HECW2: variants seen among roughly 807,000 people sequenced by gnomAD.
The protein encoded by HECW2 is HECT, C2 and WW domain containing E3 ubiquitin protein ligase 2.
A neutral mutation model predicts 175.2 loss-of-function variants in HECW2; 61 were observed. The ratio of observed to expected loss-of-function variants is 0.35; its 90% CI spans 0.28 to 0.43. The LOEUF (loss-of-function observed/expected upper bound fraction) is 0.43, where lower values mean the gene tolerates loss of function less well. Ranked by LOEUF, HECW2 falls within the 20% of genes least tolerant of loss-of-function variation. The pLI is 1.00. For synonymous variants in HECW2, 671 were observed against 731.0 expected (o/e 0.92, Z 1.32); for missense variants, 1,524 against 2,000.5 (o/e 0.76, Z 4.54).
Position 196,317,329 on chromosome 2 carries a change from AG to A in HECW2, c.2378del (p.Pro793LeufsTer37). 6.2e-7 allele frequency: 1 copy of A among 1,613,666 alleles called. No homozygotes were observed. The stretch of plus-strand genomic sequence containing the variant: ...ACCGGCTAACATCCTGGCGCACTGA[AG>A]GTAGTGATCGCAGTGGCTGGTGGCC... ...ANGHQPLRSL[P>X]SVRQDVSRYQ... On this transcript the variant is annotated frameshift_variant, in exon 10 of 29. Coordinates refer to ENST00000644978, the MANE Select transcript of HECW2 (RefSeq NM_001348768.2). LOFTEE classifies it high-confidence loss of function.
intron 1 of HECW2, among the ~76,000 whole-genome samples, chr2:196,517,132 ACCG>A (rs1391201570): frequency 6.6e-6 from 1 of 152,198 alleles, no homozygotes; most frequent in East Asian, 1.9e-4. Context: ...TGGGCTTCCC[ACCG>A]CTCATTCATA....
intron 3 of HECW2, among the ~76,000 whole-genome samples, chr2:196,335,365 G>C (rs1692513408): frequency 6.6e-6 from 1 of 152,230 alleles, no homozygotes; most frequent in South Asian, 2.1e-4. Flanking sequence ...CAAAGCGTCT[G>C]AGTCACTGAA....
At chr2:196,316,501 T>C (rs1202050161) in intron 10 of HECW2, 2 of 152,210 alleles carry the variant, frequency 1.3e-5, no homozygotes, top group Non-Finnish European at 2.9e-5. Flanking sequence ...CCAGTGTTTT[T>C]TTTAAAGCAA....
chr2:196,331,387 T>C (rs10175825), intron 4 of HECW2: 11,555 of 583,164 alleles, frequency 0.02, 610 homozygotes, highest in African/African-American at 0.15. Context: ...CGCTGGACTA[T>C]GACTGAGACA....
At chr2:196,591,318 C>T (rs892610171) in intron 1 of HECW2, among the ~76,000 whole-genome samples, 1 of 152,148 alleles carries the variant, frequency 6.6e-6, no homozygotes, top group African/African-American at 2.4e-5. Context: ...TGGATTCAAA[C>T]TAATGAAGAC....
chr2:196,443,556 C>T (rs1246401437), intron 1 of HECW2, among the ~76,000 whole-genome samples: 1 of 152,072 alleles, frequency 6.6e-6, no homozygotes, highest in East Asian at 1.9e-4. Flanking sequence ...AAATGTCATG[C>T]CAGATTAGGA....
intron 28 of HECW2, among the ~76,000 whole-genome samples, chr2:196,207,437 T>G (rs1687109710): frequency 6.6e-6 from 1 of 152,238 alleles, no homozygotes; most frequent in African/African-American, 2.4e-5. Flanking sequence ...AATATCCTCA[T>G]GAATACCTTC....
intron 12 of HECW2, among the ~76,000 whole-genome samples, 197 bp from the exon 13 acceptor site, chr2:196,306,809 T>C (rs924697109): frequency 6.7e-6 from 1 of 149,668 alleles, no homozygotes; most frequent in Admixed American, 6.6e-5. Flanking sequence ...TAAAATTCAG[T>C]TAAGTAATAT....
At chr2:196,586,125 T>C (rs1022028988) in intron 1 of HECW2, among the ~76,000 whole-genome samples, 2 of 152,206 alleles carry the variant, frequency 1.3e-5, no homozygotes, top group African/African-American at 4.8e-5. Flanking sequence ...CACTGAGAGA[T>C]ACTATGCTTA....
chr2:196,211,191 A>C (rs1687270971), intron 28 of HECW2, among the ~76,000 whole-genome samples: 1 of 152,094 alleles, frequency 6.6e-6, no homozygotes, highest in Non-Finnish European at 1.5e-5. Context: ...CCATCACCCA[A>C]CTTGGCAAGA....
At chr2:196,273,806 A>G (rs1689837004) in intron 16 of HECW2, among the ~76,000 whole-genome samples, 1 of 152,232 alleles carries the variant, frequency 6.6e-6, no homozygotes, top group African/African-American at 2.4e-5. Context: ...GGGTGGTATT[A>G]AAAAACAATC....
chr2:196,215,839 T>A lies in HECW2; in HGVS notation c.4607+26A>T, dbSNP rs771541458. ...ATGTCTCCACCAAATGTTGTGACAG[T>A]AAAGAAATGTTATTTTATATTTTAC... On this transcript the variant is annotated intron_variant, in intron 28 of 28. Coordinates refer to ENST00000644978, the MANE Select transcript of HECW2 (RefSeq NM_001348768.2). The A allele has an allele frequency of 3.4e-6, 5 of 1,469,116 alleles. No individual in the cohort carries two copies. In the South Asian group the frequency reaches 5.7e-5, roughly 17 times the overall value. 91.0% of individuals were successfully genotyped at this position (1,469,116 alleles called of 1,614,324 possible).
intron 3 of HECW2, among the ~76,000 whole-genome samples, chr2:196,335,198 C>T (rs899395199): frequency 6.6e-6 from 1 of 152,224 alleles, no homozygotes; most frequent in Non-Finnish European, 1.5e-5. Flanking sequence ...CAGCTTGTGG[C>T]AATCCACACA....
At chr2:196,336,353 C>T (rs575962958) in intron 3 of HECW2, among the ~76,000 whole-genome samples, 8 of 152,240 alleles carry the variant, frequency 5.3e-5, no homozygotes, top group East Asian at 1.9e-4. Context: ...GTAGTGTGCA[C>T]GAGGACGGTC....
chr2:196,268,503 TG>T (rs1396382480), intron 17 of HECW2, among the ~76,000 whole-genome samples: 1 of 152,206 alleles, frequency 6.6e-6, no homozygotes, highest in Non-Finnish European at 1.5e-5. Flanking sequence ...GCTACCAACT[TG>T]GGCCTGCAGC....
At chr2:196,521,639 C>A (rs28541508) in intron 1 of HECW2, among the ~76,000 whole-genome samples, 38 of 127,834 alleles carry the variant, frequency 3.0e-4, no homozygotes, top group African/African-American at 8.8e-4. Flanking sequence ...CCCCTCCCCC[C>A]ACCCCACCAC....
intron 1 of HECW2, among the ~76,000 whole-genome samples, chr2:196,567,740 A>T (rs1690234467): frequency 6.6e-6 from 1 of 152,240 alleles, no homozygotes; most frequent in African/African-American, 2.4e-5. Context: ...GGCAAAAGTC[A>T]TAGTCTTCTT....
At chr2:196,355,733 A>T (rs904791049) in intron 2 of HECW2, among the ~76,000 whole-genome samples, 10 of 152,220 alleles carry the variant, frequency 6.6e-5, no homozygotes, top group African/African-American at 1.9e-4. Flanking sequence ...GGGTAGGAGT[A>T]AAAGAGTCAA....
chr2:196,387,841 C>T (rs971320685), intron 2 of HECW2, among the ~76,000 whole-genome samples: 1 of 152,110 alleles, frequency 6.6e-6, no homozygotes, highest in Non-Finnish European at 1.5e-5. Context: ...ATTTGTCTTC[C>T]ATGCTGTGAC....
Sources: allele counts gnomAD v4.1 joint callset (sites outside exome capture counted in the v4.1 genomes callset), GRCh38; gene constraint gnomAD v4.1.1; transcripts MANE v1.5; gene names NCBI Gene and HGNC (gene_info 2026-07-23, HGNC 2026-07-21).